DNM3: variants seen among roughly 807,000 people sequenced by gnomAD.
DNM3 encodes the protein dynamin-3.
DNM3 carries 47 observed loss-of-function variants against 101.6 expected under a neutral mutation model. The observed-to-expected ratio is 0.46, with a 90% CI of 0.37 to 0.59. DNM3 has a LOEUF of 0.59. Ranked by LOEUF, DNM3 falls within the 20% of genes least tolerant of loss-of-function variation. DNM3 has a pLI of 0.00. For synonymous variants in DNM3, 385 were observed against 387.9 expected, an observed-to-expected ratio of 0.99 and a Z score of 0.09; for missense variants, 849 against 1,085.7, an observed-to-expected ratio of 0.78 and a Z score of 3.06.
chr1:171,857,752 C>T (rs1004260990), intron 1 of DNM3, among the ~76,000 whole-genome samples: 4 of 152,086 alleles, frequency 2.6e-5, no homozygotes, highest in East Asian at 1.9e-4. Context: ...ATGGACTGAA[C>T]GTTTGTATCT....
intron 4 of DNM3, among the ~76,000 whole-genome samples, chr1:172,001,036 A>C (rs1418735958): frequency 6.6e-6 from 1 of 151,980 alleles, no homozygotes; most frequent in Non-Finnish European, 1.5e-5. Context: ...ATGAGTGAGA[A>C]ATGTCCTTGA....
chr1:172,408,480 T>C lies in DNM3; in HGVS notation c.*639T>C. The C allele has an allele frequency of 2.0e-6, 2 of 985,410 alleles. No homozygotes were observed. 61.0% of individuals were successfully genotyped at this position (985,410 alleles called of 1,614,324 possible). A position where few individuals can be genotyped will look rare whatever the true frequency, so the allele number is the denominator to read the frequency against. On this transcript the variant is annotated 3_prime_UTR_variant, in exon 21 of 21. Transcript: ENST00000627582. ...TTCTCCTCATTCCAATGTGTTTTGC[T>C]TCATGCTAGAAGCATATGCAACAGT...
intron 10 of DNM3, among the ~76,000 whole-genome samples, chr1:172,052,377 T>G (rs1201252684): frequency 6.6e-6 from 1 of 152,128 alleles, no homozygotes; most frequent in Non-Finnish European, 1.5e-5. Flanking sequence ...AAAATCAACA[T>G]ATAAATATAT....
chr1:171,935,720 T>C (rs1247864464), intron 2 of DNM3, among the ~76,000 whole-genome samples: 1 of 150,916 alleles, frequency 6.6e-6, no homozygotes, highest in Non-Finnish European at 1.5e-5. Context: ...AAATTAGTCA[T>C]GGTTGGAGTA....
chr1:172,379,057 A>G lies in DNM3; in HGVS notation c.1933A>G (p.Met645Val), dbSNP rs1348606214. ...DENGQAENFSMDPQLERQVET... is the reference protein window; with the variant it reads ...DENGQAENFSVDPQLERQVET... ...GAATGGACAAGCAGAAAACTTTTCC[A>G]TGGACCCACAATTGGAGAGGCAAGT... Residue 645 changes from methionine (M) to valine (V), a missense_variant, in exon 18 of 21, where the codon ATG becomes GTG. Coordinates refer to ENST00000627582, the MANE Select transcript of DNM3 (RefSeq NM_015569.5). 4 of 1,612,346 alleles carry G rather than the reference A, an allele frequency of 2.5e-6. No homozygotes were observed. Among genetic ancestry groups the G allele is most frequent in the East Asian group, 2.2e-5 (1 of 44,824 alleles).
intron 4 of DNM3, among the ~76,000 whole-genome samples, chr1:172,018,480 T>C (rs2047602613): frequency 2.0e-5 from 3 of 152,318 alleles, no homozygotes; most frequent in South Asian, 4.1e-4. Context: ...ATTATTTAAC[T>C]TACAATTTTT....
At chr1:172,375,545 A>G (rs1014249210) in intron 17 of DNM3, among the ~76,000 whole-genome samples, 3 of 152,076 alleles carry the variant, frequency 2.0e-5, no homozygotes, top group Non-Finnish European at 4.4e-5. Context: ...ACTAAGAAAA[A>G]GTCTTCAAAT....
intron 16 of DNM3, among the ~76,000 whole-genome samples, chr1:172,320,709 A>G (rs1056074833): frequency 6.6e-6 from 1 of 152,170 alleles, no homozygotes; most frequent in Non-Finnish European, 1.5e-5. Flanking sequence ...TCTATTGGCT[A>G]AGCAAGCCGA....
At chr1:172,171,688 T>C (rs2148345788) in intron 14 of DNM3, among the ~76,000 whole-genome samples, 1 of 151,848 alleles carries the variant, frequency 6.6e-6, no homozygotes, top group African/African-American at 2.4e-5. Flanking sequence ...GAAAATGTGT[T>C]GATATCAACC....
chr1:172,162,900 C>A (rs2058595432), intron 14 of DNM3, among the ~76,000 whole-genome samples: 2 of 152,140 alleles, frequency 1.3e-5, no homozygotes, highest in Middle Eastern at 3.4e-3. Context: ...CTTGTGAAAT[C>A]TTTTAAATAT....
chr1:172,241,796 C>G (rs1252031560), intron 14 of DNM3, among the ~76,000 whole-genome samples: 1 of 152,154 alleles, frequency 6.6e-6, no homozygotes, highest in African/African-American at 2.4e-5. Context: ...GCCGGTCTCT[C>G]ATTTGACTCA....
In DNM3 at chr1:172,131,361, T is replaced by C; in HGVS notation, c.1659+73T>C. 3.0e-6 allele frequency: 4 copies of C among 1,333,994 alleles called. No homozygotes were observed. In the Admixed American group the frequency reaches 5.9e-5, roughly 20 times the overall value. The allele number at this position is 1,333,994 out of a possible 1,614,324, so 82.6% of individuals were successfully genotyped here. ...TTTAAATTAACTGATATTATTATAC[T>C]ATGCAATTTTGAGACACCAGTGGTT... On this transcript the variant is annotated intron_variant, in intron 14 of 20. Coordinates refer to ENST00000627582, the MANE Select transcript of DNM3 (RefSeq NM_015569.5).
chr1:172,215,236 C>T (rs984126682), intron 14 of DNM3, among the ~76,000 whole-genome samples: 1 of 152,072 alleles, frequency 6.6e-6, no homozygotes, highest in African/African-American at 2.4e-5. Context: ...TGAATAGCAA[C>T]TTGAATCCTC....
At chr1:172,018,578 A>C (rs2125737469) in intron 4 of DNM3, among the ~76,000 whole-genome samples, 1 of 152,334 alleles carries the variant, frequency 6.6e-6, no homozygotes, top group African/African-American at 2.4e-5. Flanking sequence ...CCCCATTGTA[A>C]ATACAGGAGC....
intron 15 of DNM3, among the ~76,000 whole-genome samples, chr1:172,299,349 A>G (rs2064325380): frequency 6.6e-6 from 1 of 152,236 alleles, no homozygotes; most frequent in South Asian, 2.1e-4. Context: ...TTACTTCAGA[A>G]GATCATGAAG....
At chr1:172,049,493 C>A (rs2050053840) in intron 10 of DNM3, among the ~76,000 whole-genome samples, 1 of 152,130 alleles carries the variant, frequency 6.6e-6, no homozygotes, top group African/African-American at 2.4e-5. Context: ...TAAATCTATG[C>A]TGTAGAGTGC....
intron 14 of DNM3, among the ~76,000 whole-genome samples, chr1:172,152,959 G>A (rs184834340): frequency 1.4e-4 from 21 of 152,152 alleles, no homozygotes; most frequent in South Asian, 2.1e-4. Flanking sequence ...CAAGTGTTTC[G>A]GCGCCCAGAG....
chr1:172,283,371 G>A (rs936497000), intron 15 of DNM3, among the ~76,000 whole-genome samples: 3 of 152,146 alleles, frequency 2.0e-5, no homozygotes, highest in Non-Finnish European at 4.4e-5. Context: ...CAGGGCACAA[G>A]ACAGCAGTTA....
chr1:171,906,489 A>G (rs1460969023), intron 1 of DNM3, among the ~76,000 whole-genome samples: 2 of 152,030 alleles, frequency 1.3e-5, no homozygotes, highest in Non-Finnish European at 1.5e-5. Context: ...CTTCCTTATA[A>G]TAGTTTCTTT....
Sources: gnomAD v4.1 joint callset for allele counts (sites outside exome capture counted in the v4.1 genomes callset) on GRCh38, gnomAD v4.1.1 for gene constraint, MANE v1.5 for transcripts, NCBI Gene and HGNC (gene_info 2026-07-23, HGNC 2026-07-21) for gene names.